The following BANK1 variants were observed in gnomAD, a reference collection of about 807,000 sequenced individuals.
BANK1 encodes B-cell scaffold protein with ankyrin repeats.
In BANK1, 95 loss-of-function variants were observed where a neutral mutation model predicts 94.5. The observed-to-expected ratio is 1.00, with a 90% CI of 0.85 to 1.19. The LOEUF is 1.19. BANK1 is among the 50% of genes most tolerant of loss of function. BANK1 has a pLI of 0.00. For synonymous variants in BANK1, 334 were observed against 308.4 expected (o/e 1.08, Z -0.87); for missense variants, 987 against 932.2 (o/e 1.06, Z -0.77).
At chr4:101,813,834 C>T in intron 1 of BANK1, 34 of 985,202 alleles carry the variant, frequency 3.5e-5, no homozygotes, top group Non-Finnish European at 4.1e-5. Flanking sequence ...TTCTGGCCAA[C>T]AAGGGCTGCA....
intron 10 of BANK1, among the ~76,000 whole-genome samples, chr4:102,036,442 G>T (rs570886300): frequency 2.0e-5 from 3 of 152,308 alleles, no homozygotes; most frequent in Admixed American, 2.0e-4. Flanking sequence ...GTAAAATACG[G>T]TCAAGTGGAT....
At chr4:101,946,272 G>A (rs930874848) in intron 7 of BANK1, among the ~76,000 whole-genome samples, 1 of 152,004 alleles carries the variant, frequency 6.6e-6, no homozygotes. Context: ...TACAGGAATA[G>A]TGACCAAGCC....
intron 11 of BANK1, among the ~76,000 whole-genome samples, chr4:102,057,962 T>TTGA (rs1728285767): frequency 6.6e-6 from 1 of 152,186 alleles, no homozygotes; most frequent in Non-Finnish European, 1.5e-5. Context: ...ATATACAACT[T>TTGA]TGATACTGCT....
At chr4:101,913,548 C>T (rs1722736255) in intron 6 of BANK1, among the ~76,000 whole-genome samples, 1 of 152,182 alleles carries the variant, frequency 6.6e-6, no homozygotes, top group Non-Finnish European at 1.5e-5. Flanking sequence ...CTGCTTCAAC[C>T]TTGTTTTGCT....
At position 101,898,556 on chromosome 4, in the gene BANK1, CATA is replaced by C. The variant is rs1252104823; in HGVS notation, c.1009+3149_1009+3151del. 5.3e-5 allele frequency among the ~76,000 whole-genome samples: 8 copies of C among 151,948 alleles called. No individual in the cohort carries two copies. The East Asian group carries it at 1.5e-3, about 29-fold the overall frequency. On this transcript the variant is annotated intron_variant, in intron 6 of 16. Coordinates refer to ENST00000322953, the MANE Select transcript of BANK1 (RefSeq NM_017935.5). ...GAGAAATTGAGTCTCTCTCAGAGAA[CATA>C]ATCATAAGGAATTGAAAAAGTATAC...
At chr4:101,863,103 C>T (rs897099523) in intron 4 of BANK1, among the ~76,000 whole-genome samples, 1 of 151,644 alleles carries the variant, frequency 6.6e-6, no homozygotes, top group African/African-American at 2.4e-5. Flanking sequence ...CATTTTTTCC[C>T]ATTATTTTAT....
At chr4:101,970,181 C>T (rs188176330) in intron 7 of BANK1, among the ~76,000 whole-genome samples, 1 of 152,252 alleles carries the variant, frequency 6.6e-6, no homozygotes, top group African/African-American at 2.4e-5. Context: ...GTGTCAGGCA[C>T]TGTTATCCCA....
rs75031963 is a variant in BANK1, at chr4:101,964,408, G to A, written c.1206+46219G>A. 5.7e-3 allele frequency among the ~76,000 whole-genome samples: 867 copies of A among 152,100 alleles called. 15 individuals are homozygous for A. Among genetic ancestry groups the A allele is most frequent in the East Asian group, 0.057 (293 of 5,182 alleles). ...AAACAACAGAATTCTGAAAAAAACCGTAACTGATCTATAGAACTGGAGTTG... is the reference window on the plus strand; with the variant it reads ...AAACAACAGAATTCTGAAAAAAACCATAACTGATCTATAGAACTGGAGTTG... On this transcript the variant is annotated intron_variant, in intron 7 of 16. Transcript: ENST00000322953.
intron 7 of BANK1, among the ~76,000 whole-genome samples, chr4:101,987,798 C>T (rs1037682404): frequency 3.9e-5 from 6 of 152,202 alleles, no homozygotes; most frequent in Non-Finnish European, 7.3e-5. Context: ...AATCCTCTTT[C>T]TGAACCTATG....
At chr4:101,818,803 T>C (rs1206891826) in intron 1 of BANK1, among the ~76,000 whole-genome samples, 3 of 151,950 alleles carry the variant, frequency 2.0e-5, no homozygotes, top group Non-Finnish European at 4.4e-5. Context: ...AGTTCTATGC[T>C]ATCTGTAGTT....
At chr4:101,803,289 T>A (rs1377814036) in intron 1 of BANK1, among the ~76,000 whole-genome samples, 1 of 152,164 alleles carries the variant, frequency 6.6e-6, no homozygotes, top group Non-Finnish European at 1.5e-5. Context: ...CCAGTCTTGG[T>A]GGCCATATTT....
At chr4:101,791,051 G>T (rs1026621239) in intron 1 of BANK1, 101 bp downstream of exon 1, 21 of 953,598 alleles carry the variant, frequency 2.2e-5, no homozygotes, top group Admixed American at 3.2e-5. Flanking sequence ...CGGGCACTGA[G>T]GCCAGGGCGT....
chr4:101,895,334 T>G lies in BANK1; in HGVS notation c.933T>G (p.Leu311=). 6.3e-7 allele frequency: 1 copy of G among 1,593,830 alleles called. No homozygotes were observed. Among genetic ancestry groups the G allele is most frequent in the South Asian group, 1.1e-5 (1 of 88,556 alleles). Residue 311 remains leucine, a synonymous_variant, in exon 6 of 17, where the codon CTT becomes CTG. Coordinates refer to ENST00000322953, the MANE Select transcript of BANK1 (RefSeq NM_017935.5). The part of the protein sequence containing the change: ...QNSIEELDGV[L]TSIFKHEIPY... ...GCATTGAAGAACTTGATGGTGTCCT[T>G]ACATCCATATTCAAACATGAGATAC...
chr4:101,930,007 T>C (rs563026811), intron 7 of BANK1, among the ~76,000 whole-genome samples: 1 of 151,486 alleles, frequency 6.6e-6, no homozygotes, highest in African/African-American at 2.4e-5. Context: ...AATCAGGTAT[T>C]AATATGTAAT....
intron 2 of BANK1, 87 bp downstream of exon 2, chr4:101,830,293 A>G: frequency 8.9e-7 from 1 of 1,123,206 alleles, no homozygotes; most frequent in Non-Finnish European, 1.2e-6. Flanking sequence ...TAGAACCAAT[A>G]ACTGGTGTCA....
At chr4:102,069,115 G>T (rs1278962612) in intron 13 of BANK1, among the ~76,000 whole-genome samples, 5 of 152,154 alleles carry the variant, frequency 3.3e-5, no homozygotes, top group African/African-American at 1.2e-4. Flanking sequence ...GTTTTTTATT[G>T]TCTGAGAAAT....
chr4:101,950,746 A>G (rs1724120420), intron 7 of BANK1, among the ~76,000 whole-genome samples: 3 of 152,186 alleles, frequency 2.0e-5, no homozygotes, highest in Admixed American at 2.0e-4. Context: ...GACAAACACT[A>G]CCTCAGCCAG....
At chr4:101,854,571 A>T (rs1727610679) in intron 2 of BANK1, among the ~76,000 whole-genome samples, 2 of 152,094 alleles carry the variant, frequency 1.3e-5, no homozygotes, top group South Asian at 2.1e-4. Context: ...ATACTAGTCT[A>T]ATTTATTTAG....
At chr4:102,026,248 G>A (rs1292529502) in intron 9 of BANK1, among the ~76,000 whole-genome samples, 9 of 152,030 alleles carry the variant, frequency 5.9e-5, no homozygotes, top group Non-Finnish European at 1.0e-4. Flanking sequence ...CAAACTCCCA[G>A]CTCCAGGCTC....
Sources: allele counts gnomAD v4.1 joint callset (sites outside exome capture counted in the v4.1 genomes callset), GRCh38; gene constraint gnomAD v4.1.1; transcripts MANE v1.5; gene names NCBI Gene and HGNC (gene_info 2026-07-23, HGNC 2026-07-21).